ANKMY1: variants seen among roughly 807,000 people sequenced by gnomAD.
ANKMY1 encodes the protein ankyrin repeat and MYND domain-containing protein 1.
Under a neutral mutation model 102.0 loss-of-function variants are expected in ANKMY1, and 98 were observed. The ratio of observed to expected loss-of-function variants is 0.96; its 90% CI spans 0.82 to 1.14. The LOEUF (loss-of-function observed/expected upper bound fraction) is 1.14. Ranked by LOEUF, ANKMY1 falls within the 50% of genes most tolerant of loss-of-function variation. The pLI, the probability that ANKMY1 is intolerant of heterozygous loss-of-function variation, is 0.00. For synonymous variants in ANKMY1, 582 were observed against 559.9 expected, an observed-to-expected ratio of 1.04 and a Z score of -0.56; for missense variants, 1,330 against 1,347.6, an observed-to-expected ratio of 0.99 and a Z score of 0.20.
intron 5 of ANKMY1, chr2:240,526,863 A>G: frequency 3.4e-6 from 4 of 1,160,360 alleles, no homozygotes; most frequent in Non-Finnish European, 4.3e-6. Flanking sequence ...TTTTTGTCTG[A>G]GTAGACAACA....
intron 8 of ANKMY1, 199 bp downstream of exon 8, chr2:240,523,686 A>G (rs1228008659): frequency 1.1e-6 from 1 of 893,798 alleles, no homozygotes; most frequent in Non-Finnish European, 1.6e-6. Flanking sequence ...GGTGGCACTG[A>G]AAACAGCCCG....
Position 240,511,911 on chromosome 2 carries a change from C to A in ANKMY1, c.2236G>T (p.Gly746Trp), listed in dbSNP as rs768979215. The A allele has an allele frequency of 8.8e-6, 14 of 1,584,444 alleles. No homozygotes were observed. Among genetic ancestry groups the A allele is most frequent in the Admixed American group, 5.3e-5 (3 of 56,184 alleles). ...YSTDTALPEEGGRTALHMACE... is the reference protein window; with the variant it reads ...YSTDTALPEEWGRTALHMACE... ...GCCATGTGCAGAGCCGTCCTGCCCCCCTCCTCCGGGAGGGCTGTGTCCGTG... is the reference window on the plus strand; with the variant it reads ...GCCATGTGCAGAGCCGTCCTGCCCCACTCCTCCGGGAGGGCTGTGTCCGTG... Residue 746 changes from glycine (G) to tryptophan (W), a missense_variant, in exon 11 of 18, where the codon GGG (glycine) becomes TGG (tryptophan). Gly to Trp is a radical substitution (Grantham distance 184, BLOSUM62 -2). Transcript: ENST00000401804.
At chr2:240,519,475 C>T (rs2081759674) in intron 9 of ANKMY1, among the ~76,000 whole-genome samples, 1 of 152,194 alleles carries the variant, frequency 6.6e-6, no homozygotes, top group Admixed American at 6.5e-5. Context: ...CTAACGAGGC[C>T]CTCATGGACT....
chr2:240,507,372 C>T (rs1187254119), intron 13 of ANKMY1, among the ~76,000 whole-genome samples, 188 bp downstream of exon 13: 3 of 148,014 alleles, frequency 2.0e-5, no homozygotes, highest in African/African-American at 7.5e-5. Flanking sequence ...CCCGCCCCCC[C>T]TCACCAGGGC....
In ANKMY1 at chr2:240,500,578, GA is replaced by G. The variant is rs1224676005; in HGVS notation, c.2527-14del. 1.2e-6 allele frequency: 2 copies of G among 1,611,580 alleles called. No homozygotes were observed. Among genetic ancestry groups the G allele is most frequent in the African/African-American group, 2.7e-5 (2 of 74,876 alleles). On this transcript the variant is annotated splice_polypyrimidine_tract_variant and intron_variant, in intron 13 of 17. Coordinates refer to ENST00000401804, the MANE Select transcript of ANKMY1 (RefSeq NM_001282771.3). ...TGAGTCGGTCAATCTGTGGAGAACA[GA>G]ACCAGGTCAAACACGCAAGGACATC...
chr2:240,513,955 G>A (rs903201038), intron 9 of ANKMY1, among the ~76,000 whole-genome samples: 9 of 152,220 alleles, frequency 5.9e-5, no homozygotes, highest in Middle Eastern at 3.2e-3. Context: ...CCAGAGGGAC[G>A]CAGACCCAAG....
Position 240,520,432 on chromosome 2 carries a change from G to A in ANKMY1, c.1934C>T (p.Ala645Val). 6.2e-7 allele frequency: 1 copy of A among 1,612,142 alleles called. No homozygotes were observed. The highest frequency in any genetic ancestry group is 8.5e-7 in the Non-Finnish European group (1 of 1,179,268). Reference sequence around the variant, plus strand: ...CAGCCTCACCCCATCCACGTCCCCGGCCTTCACAGCAAGGAACAGGACCTG... The same window carrying A: ...CAGCCTCACCCCATCCACGTCCCCGACCTTCACAGCAAGGAACAGGACCTG... ...PMQVLFLAVKAGDVDGVRLLL... is the reference protein window; with the variant it reads ...PMQVLFLAVKVGDVDGVRLLL... The change falls in exon 9 of 18, where the codon GCC (alanine) becomes GTC (valine). Residue 645 changes from alanine to valine, a missense_variant. Coordinates refer to ENST00000401804, the MANE Select transcript of ANKMY1 (RefSeq NM_001282771.3). The surrounding 1 kb of genome is among the most constrained non-coding windows in gnomAD (Gnocchi z 4.8).
chr2:240,551,870 T>G (rs939423765), intron 4 of ANKMY1, among the ~76,000 whole-genome samples: 5 of 151,522 alleles, frequency 3.3e-5, no homozygotes, highest in Admixed American at 3.3e-4. Flanking sequence ...GTCTTAAAGC[T>G]TGAAACTTAA....
Position 240,512,044 on chromosome 2 carries a change from G to A in ANKMY1, c.2146-43C>T, listed in dbSNP as rs367855462. On this transcript the variant is annotated intron_variant, in intron 10 of 17. Transcript: ENST00000401804. ...CTCCGCCAGCGCCCACGGACCTGCC[G>A]TGTGCCCACGGGAAGGCAAACGGAG... The A allele has an allele frequency of 4.2e-4, 633 of 1,494,630 alleles. 1 individual carries two copies. Among genetic ancestry groups the A allele is most frequent in the Admixed American group, 3.6e-3 (138 of 38,046 alleles). 92.6% of individuals were successfully genotyped at this position (1,494,630 alleles called of 1,614,324 possible).
At chr2:240,496,204 C>T (rs893217049) in intron 15 of ANKMY1, among the ~76,000 whole-genome samples, 7 of 152,136 alleles carry the variant, frequency 4.6e-5, no homozygotes, top group African/African-American at 1.7e-4. Context: ...GTCTGTTTTA[C>T]AAATCTCTGT....
intron 12 of ANKMY1, among the ~76,000 whole-genome samples, chr2:240,508,557 C>T (rs2079507846): frequency 6.6e-6 from 1 of 152,206 alleles, no homozygotes. Flanking sequence ...CATCACTCTC[C>T]ATCCCCTCAC....
intron 13 of ANKMY1, among the ~76,000 whole-genome samples, chr2:240,503,161 T>C (rs1293103545): frequency 6.6e-6 from 1 of 152,246 alleles, no homozygotes; most frequent in African/African-American, 2.4e-5. Flanking sequence ...GGCCTGAGGC[T>C]GACCAGCCCA....
At chr2:240,495,196 C>T (rs1017170232) in intron 15 of ANKMY1, among the ~76,000 whole-genome samples, 2 of 152,062 alleles carry the variant, frequency 1.3e-5, no homozygotes, top group Admixed American at 1.3e-4. Context: ...CGTGGTCTAG[C>T]GGTAGTGTCA....
At chr2:240,521,490 GCT>G (rs2082259382) in intron 8 of ANKMY1, among the ~76,000 whole-genome samples, 1 of 109,754 alleles carries the variant, frequency 9.1e-6, no homozygotes, top group Admixed American at 9.3e-5. Context: ...CGGTGTTACA[GCT>G]TTTTTTTTTT....
downstream of ANKMY1, among the ~76,000 whole-genome samples, chr2:240,475,222 T>C (rs1465196882): frequency 6.6e-6 from 1 of 152,198 alleles, no homozygotes; most frequent in Non-Finnish European, 1.5e-5. Context: ...ATATGTCTTC[T>C]TTTGAAGAGT....
At position 240,520,946 on chromosome 2, in the gene ANKMY1, CCA is replaced by C. The variant is rs947617417; in HGVS notation, c.1833-415_1833-414del. On this transcript the variant is annotated intron_variant, in intron 8 of 17. Transcript: ENST00000401804. The surrounding 1 kb of genome is among the most constrained non-coding windows in gnomAD (Gnocchi z 4.8). ...CACATACAGCACACAACCACACAAACCACACACACACCACACACACCACTCAC... is the reference window on the plus strand; with the variant it reads ...CACATACAGCACACAACCACACAAACCACACACACCACACACACCACTCAC... Among the ~76,000 whole-genome samples, 3 of 141,698 alleles carry C rather than the reference CCA, an allele frequency of 2.1e-5. No homozygotes were observed. Among genetic ancestry groups the C allele is most frequent in the Non-Finnish European group, 3.1e-5 (2 of 65,234 alleles). 93.0% of individuals were successfully genotyped at this position (141,698 alleles called of 152,430 possible).
chr2:240,558,067 G>C (rs1056556956), upstream of ANKMY1: 10 of 827,014 alleles, frequency 1.2e-5, no homozygotes, highest in Non-Finnish European at 1.5e-5. Context: ...CCCCCCGCCA[G>C]GACGCACCCG....
chr2:240,536,258 A>T (rs1417395599), intron 4 of ANKMY1, among the ~76,000 whole-genome samples: 3 of 152,224 alleles, frequency 2.0e-5, no homozygotes, highest in Non-Finnish European at 4.4e-5. Context: ...GAATATCAAT[A>T]AGTGAGAAAA....
chr2:240,546,106 G>A (rs1445741069), intron 4 of ANKMY1, among the ~76,000 whole-genome samples: 6 of 152,182 alleles, frequency 3.9e-5, no homozygotes, highest in African/African-American at 1.4e-4. Context: ...AGGGCAGCCA[G>A]AGAGAAAGGT....
Sources: allele counts gnomAD v4.1 joint callset (sites outside exome capture counted in the v4.1 genomes callset), GRCh38; gene constraint gnomAD v4.1.1; non-coding constraint Gnocchi (gnomAD v3.1); transcripts MANE v1.5; gene names NCBI Gene and HGNC (gene_info 2026-07-23, HGNC 2026-07-21).